Variants in RNMT observed in about 807,000 individuals in gnomAD.
The protein encoded by RNMT is mRNA cap guanine-N(7) methyltransferase.
A neutral mutation model predicts 56.0 loss-of-function variants in RNMT; 27 were observed. That is an observed-to-expected ratio of 0.48 (90% CI 0.36 to 0.67). The LOEUF (loss-of-function observed/expected upper bound fraction) is 0.67. Ranked by LOEUF, RNMT falls within the 30% of genes least tolerant of loss-of-function variation. The probability of loss-of-function intolerance (pLI) is 0.00; values close to 1 mark genes in which losing one functional copy is unlikely to be tolerated. For missense variants in RNMT, 519 were observed against 552.1 expected (o/e 0.94, Z 0.60); for synonymous variants, 184 against 176.2 (o/e 1.04, Z -0.35).
At chr18:13,754,234 C>G (rs1199589731) in intron 11 of RNMT, 87 bp downstream of exon 11, 2 of 844,336 alleles carry the variant, frequency 2.4e-6, no homozygotes, top group Non-Finnish European at 3.8e-6. Context: ...AGGCTGGGCA[C>G]TGTGGCTCAC....
At chr18:13,745,027 G>A (rs1602021110) in intron 8 of RNMT, among the ~76,000 whole-genome samples, 1 of 152,310 alleles carries the variant, frequency 6.6e-6, no homozygotes, top group East Asian at 1.9e-4. Context: ...GAGGACTGGA[G>A]GGAAGAATGC....
Position 13,734,597 on chromosome 18 carries a change from T to C in RNMT, c.551T>C (p.Ile184Thr), listed in dbSNP as rs1311042781. The change falls in exon 4 of 12, where the codon ATT becomes ACT. Residue 184 changes from isoleucine to threonine, a missense_variant and splice_region_variant. Ile to Thr is a moderately conservative substitution (Grantham distance 89). Coordinates refer to ENST00000383314, the MANE Select transcript of RNMT (RefSeq NM_003799.3). ...NFNNWMKSVL[I>T]GEFLEKVRQK... is the part of the protein sequence containing the mutation. ...AATAATTGGATGAAAAGTGTTCTCA[T>C]TGGTATGATCCAACACCAAGCTACT... 4 of 1,611,424 alleles carry C rather than the reference T, an allele frequency of 2.5e-6. No homozygotes were observed. The East Asian group carries it at 6.7e-5, about 27-fold the overall frequency.
chr18:13,761,247 C>T lies in RNMT; in HGVS notation c.*1268C>T. ...GTTCCTTCTGCAGCCTGTGAATCTC[C>T]ACAAAGTGTTACCAGTTTACAAAAA... On this transcript the variant is annotated 3_prime_UTR_variant, in exon 12 of 12. Coordinates refer to ENST00000383314, the MANE Select transcript of RNMT (RefSeq NM_003799.3). 2 of 985,404 alleles carry T rather than the reference C, an allele frequency of 2.0e-6. No homozygotes were observed. Among genetic ancestry groups the T allele is most frequent in the Non-Finnish European group, 2.4e-6 (2 of 829,920 alleles). 61.0% of individuals were successfully genotyped at this position (985,404 alleles called of 1,614,324 possible).
At chr18:13,742,839 A>T (rs947130668) in intron 8 of RNMT, 187 bp downstream of exon 8, 6 of 469,186 alleles carry the variant, frequency 1.3e-5, no homozygotes, top group Non-Finnish European at 3.7e-6. Context: ...CTAGGGGATT[A>T]TTGCCATAGG....
chr18:13,747,295 C>T (rs1379789661), intron 9 of RNMT, among the ~76,000 whole-genome samples: 3 of 150,892 alleles, frequency 2.0e-5, no homozygotes, highest in Non-Finnish European at 4.4e-5. Flanking sequence ...GATCACAGCT[C>T]ACTGAGGCCT....
At chr18:13,739,397 A>T (rs995229486) in intron 5 of RNMT, among the ~76,000 whole-genome samples, 2 of 152,258 alleles carry the variant, frequency 1.3e-5, no homozygotes, top group East Asian at 3.8e-4. Flanking sequence ...TGAAGAATAC[A>T]TGAAGTACTG....
At chr18:13,741,182 G>A (rs1254257284) in intron 6 of RNMT, among the ~76,000 whole-genome samples, 6 of 122,762 alleles carry the variant, frequency 4.9e-5, no homozygotes, top group African/African-American at 1.9e-4. Flanking sequence ...CCAAACGCCA[G>A]ATGTTTTTTA....
intron 8 of RNMT, 143 bp downstream of exon 8, chr18:13,742,795 A>T (rs7229786): frequency 0.056 from 20,622 of 366,552 alleles, 354 homozygotes; most frequent in African/African-American, 0.09. Flanking sequence ...TTGTGTTTTT[A>T]AAAAAAAAAA....
chr18:13,737,737 A>G (rs917498819), intron 5 of RNMT, among the ~76,000 whole-genome samples: 1 of 152,058 alleles, frequency 6.6e-6, no homozygotes, highest in African/African-American at 2.4e-5. Context: ...TAGCAGTTGG[A>G]CACATCAAAT....
intron 11 of RNMT, among the ~76,000 whole-genome samples, chr18:13,755,665 G>T (rs2044530168): frequency 6.6e-6 from 1 of 152,186 alleles, no homozygotes; most frequent in Admixed American, 6.5e-5. Context: ...CTAGAAATCG[G>T]ACTGGAGGAT....
intron 8 of RNMT, among the ~76,000 whole-genome samples, chr18:13,743,652 A>G (rs2044296397): frequency 6.6e-6 from 1 of 152,084 alleles, no homozygotes; most frequent in African/African-American, 2.4e-5. Flanking sequence ...GCTTAAATGT[A>G]GGCCATGTCA....
Position 13,764,512 on chromosome 18 carries a change from G to A in RNMT, c.*4533G>A, listed in dbSNP as rs1448888070. 1 of 152,298 alleles carries A rather than the reference G, an allele frequency of 6.6e-6. No homozygotes were observed. Among genetic ancestry groups the A allele is most frequent in the East Asian group, 1.9e-4 (1 of 5,184 alleles). 9.4% of individuals were successfully genotyped at this position (152,298 alleles called of 1,614,324 possible). A position where few individuals can be genotyped will look rare whatever the true frequency, so the allele number is the denominator to read the frequency against. On this transcript the variant is annotated 3_prime_UTR_variant, in exon 12 of 12. Coordinates refer to ENST00000383314, the MANE Select transcript of RNMT (RefSeq NM_003799.3). Reference sequence around the variant, plus strand: ...TACATGGATTTTCATTCTCATGGTTGTATAATATTTCATTGTGTGAATAAA... The same window carrying A: ...TACATGGATTTTCATTCTCATGGTTATATAATATTTCATTGTGTGAATAAA...
chr18:13,762,966 T>C lies in RNMT; in HGVS notation c.*2987T>C, dbSNP rs2044638015. ...GTTTTTTGTTGAAAAACTGACTTTCTGTTGTCTACCTCAGGCCTTGTGCAT... is the reference window on the plus strand; with the variant it reads ...GTTTTTTGTTGAAAAACTGACTTTCCGTTGTCTACCTCAGGCCTTGTGCAT... On this transcript the variant is annotated 3_prime_UTR_variant, in exon 12 of 12. Transcript: ENST00000383314. 67 of 386,448 alleles carry C rather than the reference T, an allele frequency of 1.7e-4. 3 individuals carry two copies. The highest frequency in any genetic ancestry group is 1.2e-3 in the South Asian group (67 of 54,064). The allele number at this position is 386,448 out of a possible 1,614,324, so 23.9% of individuals were successfully genotyped here. A position where few individuals can be genotyped will look rare whatever the true frequency, so the allele number is the denominator to read the frequency against.
At position 13,762,613 on chromosome 18, in the gene RNMT, C is replaced by T. The variant is rs1292210707; in HGVS notation, c.*2634C>T. The T allele has an allele frequency of 1.6e-5, 3 of 193,010 alleles. No homozygotes were observed. Among genetic ancestry groups the T allele is most frequent in the Admixed American group, 1.1e-4 (2 of 18,760 alleles). 12.0% of individuals were successfully genotyped at this position (193,010 alleles called of 1,614,324 possible). A position where few individuals can be genotyped will look rare whatever the true frequency, so the allele number is the denominator to read the frequency against. On this transcript the variant is annotated 3_prime_UTR_variant, in exon 12 of 12. Transcript: ENST00000383314. ...AGCACAGTGAGTTTCCCAGCCTGCT[C>T]CCCCATCCACACTTGGAAATTGAGG...
At chr18:13,735,786 T>C (rs1163304581) in intron 4 of RNMT, among the ~76,000 whole-genome samples, 1 of 152,174 alleles carries the variant, frequency 6.6e-6, no homozygotes, top group Non-Finnish European at 1.5e-5. Flanking sequence ...GGCAAAATTG[T>C]CTCTTGGCAT....
intron 9 of RNMT, among the ~76,000 whole-genome samples, chr18:13,748,703 C>CT (rs2044390288): frequency 6.6e-6 from 1 of 152,100 alleles, no homozygotes; most frequent in Non-Finnish European, 1.5e-5. Context: ...CACCTGTTTT[C>CT]TTTTTTTCAC....
chr18:13,731,076 A>T (rs945250478), intron 2 of RNMT, among the ~76,000 whole-genome samples: 3 of 152,238 alleles, frequency 2.0e-5, no homozygotes, highest in Non-Finnish European at 4.4e-5. Context: ...CTCTACAATG[A>T]GATTTTTTTA....
chr18:13,742,455 CT>C, intron 7 of RNMT, 32 bp from the exon 8 acceptor site: 2 of 1,596,456 alleles, frequency 1.3e-6, no homozygotes, highest in Non-Finnish European at 1.7e-6. Context: ...CAATTTTAAT[CT>C]TTTTATTTTG....
Position 13,760,905 on chromosome 18 carries a change from G to A in RNMT, c.*926G>A, listed in dbSNP as rs1162673670. ...AGCACTTTGCACCGTAGGAGCCATTGTTAAAGTTGTCACTTGTGTAACTGA... is the reference window on the plus strand; with the variant it reads ...AGCACTTTGCACCGTAGGAGCCATTATTAAAGTTGTCACTTGTGTAACTGA... On this transcript the variant is annotated 3_prime_UTR_variant, in exon 12 of 12. Coordinates refer to ENST00000383314, the MANE Select transcript of RNMT (RefSeq NM_003799.3). 1.0e-6 allele frequency: 1 copy of A among 985,292 alleles called. No individual in the cohort carries two copies. The highest frequency in any genetic ancestry group is 1.2e-6 in the Non-Finnish European group (1 of 829,940). The allele number at this position is 985,292 out of a possible 1,614,324, so 61.0% of individuals were successfully genotyped here. A position where few individuals can be genotyped will look rare whatever the true frequency, so the allele number is the denominator to read the frequency against.
Sources: allele counts gnomAD v4.1 joint callset (sites outside exome capture counted in the v4.1 genomes callset), GRCh38; gene constraint gnomAD v4.1.1; transcripts MANE v1.5; gene names NCBI Gene and HGNC (gene_info 2026-07-23, HGNC 2026-07-21).